The following SLC22A4 variants were observed in gnomAD, a reference collection of about 807,000 sequenced individuals.
SLC22A4 encodes ET transporter.
Under a neutral mutation model 56.6 loss-of-function variants are expected in SLC22A4, and 39 were observed. That is an observed-to-expected ratio of 0.69 (90% CI 0.53 to 0.90). The LOEUF (loss-of-function observed/expected upper bound fraction) is 0.90, where lower values mean the gene tolerates loss of function less well. Among genes scored for constraint, SLC22A4 ranks in the 40% least tolerant of loss-of-function variants. The pLI, the probability that SLC22A4 is intolerant of heterozygous loss-of-function variation, is 0.00. For missense variants in SLC22A4, 594 were observed against 696.5 expected, an observed-to-expected ratio of 0.85 and a Z score of 1.66; for synonymous variants, 241 against 281.4, an observed-to-expected ratio of 0.86 and a Z score of 1.44.
chr5:132,332,942 G>A (rs938519359), intron 6 of SLC22A4, among the ~76,000 whole-genome samples: 1 of 152,126 alleles, frequency 6.6e-6, no homozygotes, highest in African/African-American at 2.4e-5. Context: ...TATCCCTGAT[G>A]CAAATGTTCT....
chr5:132,344,122 A>C lies in SLC22A4; in HGVS notation c.*287A>C. On this transcript the variant is annotated 3_prime_UTR_variant, in exon 10 of 10. Coordinates refer to ENST00000200652, the MANE Select transcript of SLC22A4 (RefSeq NM_003059.3). ...TCAAGGACTGGTAAAATACATATAAAGATTAACACTCATTTCCAATCATAC... is the reference window on the plus strand; with the variant it reads ...TCAAGGACTGGTAAAATACATATAACGATTAACACTCATTTCCAATCATAC... 2.8e-6 allele frequency: 1 copy of C among 359,622 alleles called. No homozygotes were observed. The highest frequency in any genetic ancestry group is 5.0e-5 in the East Asian group (1 of 20,178). 22.3% of individuals were successfully genotyped at this position (359,622 alleles called of 1,614,324 possible). A position where few individuals can be genotyped will look rare whatever the true frequency, so the allele number is the denominator to read the frequency against.
chr5:132,312,000 A>C, intron 1 of SLC22A4, 161 bp from the exon 2 acceptor site: 2 of 722,208 alleles, frequency 2.8e-6, no homozygotes, highest in Non-Finnish European at 5.1e-6. Flanking sequence ...AGGCCAGTCA[A>C]ACCCAGGGCT....
chr5:132,322,259 A>G lies in SLC22A4; in HGVS notation c.728A>G (p.Tyr243Cys), dbSNP rs910430619. The G allele has an allele frequency of 1.9e-6, 3 of 1,614,032 alleles. No homozygotes were observed. Among genetic ancestry groups the G allele is most frequent in the Non-Finnish European group, 2.5e-6 (3 of 1,179,922 alleles). The change falls in exon 4 of 10, where the codon TAT becomes TGT. Residue 243 changes from tyrosine to cysteine, a missense_variant. Coordinates refer to ENST00000200652, the MANE Select transcript of SLC22A4 (RefSeq NM_003059.3). ...LGVCTFFAVGYMLLPLFAYFI... is the reference protein window; with the variant it reads ...LGVCTFFAVGCMLLPLFAYFI... The stretch of plus-strand genomic sequence containing the variant: ...GTGTGCACATTTTTTGCAGTTGGCT[A>G]TATGCTGCTGCCACTGTTTGCTTAC...
At chr5:132,298,252 C>T (rs1749823666) in intron 1 of SLC22A4, among the ~76,000 whole-genome samples, 1 of 152,180 alleles carries the variant, frequency 6.6e-6, no homozygotes, top group South Asian at 2.1e-4. Flanking sequence ...CTTCCACAGA[C>T]AAATGGATAA....
chr5:132,330,261 C>G (rs1236378249), intron 5 of SLC22A4, among the ~76,000 whole-genome samples: 1 of 152,186 alleles, frequency 6.6e-6, no homozygotes, highest in African/African-American at 2.4e-5. Context: ...ACTCCTCCAT[C>G]AGTCTCTTAC....
rs1491170521 is a variant in SLC22A4 at position 132,328,868 on chromosome 5, C to CAT, written c.951+1465_951+1466insAT. On this transcript the variant is annotated intron_variant, in intron 5 of 9. Transcript: ENST00000200652. ...ACACACACACACACACACACACACA[C>CAT]GCATATATAAATGTGTATATATATG... 5.4e-5 allele frequency among the ~76,000 whole-genome samples: 8 copies of CAT among 148,332 alleles called. No homozygotes were observed. In the East Asian group the frequency reaches 1.4e-3, roughly 26 times the overall value.
At chr5:132,323,252 T>C (rs1484077007) in intron 4 of SLC22A4, among the ~76,000 whole-genome samples, 1 of 152,246 alleles carries the variant, frequency 6.6e-6, no homozygotes, top group African/African-American at 2.4e-5. Context: ...CACAAGCTTC[T>C]TTGACCATTT....
intron 8 of SLC22A4, among the ~76,000 whole-genome samples, chr5:132,337,796 C>T (rs184758740): frequency 4.6e-4 from 69 of 149,970 alleles, no homozygotes; most frequent in Non-Finnish European, 7.5e-4. Flanking sequence ...AGTACAGTGG[C>T]GCAATCTCAG....
At chr5:132,336,909 T>C (rs1011489079) in intron 8 of SLC22A4, among the ~76,000 whole-genome samples, 12 of 152,214 alleles carry the variant, frequency 7.9e-5, no homozygotes, top group Non-Finnish European at 1.3e-4. Flanking sequence ...TGTACTTTTT[T>C]CCAGTACATT....
At chr5:132,331,644 TAGTCAAGGTGA>T in intron 5 of SLC22A4, 101 bp from the exon 6 acceptor site, 3 of 801,104 alleles carry the variant, frequency 3.7e-6, no homozygotes, top group Non-Finnish European at 6.8e-6. Context: ...CTTCTAAGCA[TAGTCAAGGTGA>T]AGTGAGAGTT....
chr5:132,312,090 C>T (rs1424638469), intron 1 of SLC22A4, 71 bp from the exon 2 acceptor site: 1 of 911,094 alleles, frequency 1.1e-6, no homozygotes, highest in African/African-American at 1.6e-5. Context: ...GCTAATATTC[C>T]CTCAGAGCTG....
intron 6 of SLC22A4, among the ~76,000 whole-genome samples, chr5:132,332,508 C>G (rs1395246643): frequency 6.6e-6 from 1 of 152,056 alleles, no homozygotes; most frequent in Non-Finnish European, 1.5e-5. Flanking sequence ...GCTAATTCAG[C>G]TCCTGCTTCC....
intron 8 of SLC22A4, among the ~76,000 whole-genome samples, chr5:132,337,327 C>T (rs1378767762): frequency 2.1e-5 from 3 of 140,058 alleles, no homozygotes; most frequent in Admixed American, 7.6e-5. Context: ...TGTAGTGGTG[C>T]GATCCTAGAT....
intron 1 of SLC22A4, among the ~76,000 whole-genome samples, chr5:132,308,004 A>G (rs1351016577): frequency 6.6e-6 from 1 of 152,204 alleles, no homozygotes; most frequent in Non-Finnish European, 1.5e-5. Context: ...CTCCTAATTA[A>G]TTGTTCAATA....
At chr5:132,305,855 A>C (rs1750015474) in intron 1 of SLC22A4, among the ~76,000 whole-genome samples, 3 of 152,240 alleles carry the variant, frequency 2.0e-5, no homozygotes. Context: ...AAACTATAAA[A>C]TGTCATTGAA....
chr5:132,317,348 C>T (rs1469206648), intron 3 of SLC22A4, among the ~76,000 whole-genome samples: 2 of 152,182 alleles, frequency 1.3e-5, no homozygotes, highest in Non-Finnish European at 2.9e-5. Context: ...CAGTCATTTC[C>T]CTCTTCCCCT....
At chr5:132,341,280 T>A (rs1217065060) in intron 9 of SLC22A4, among the ~76,000 whole-genome samples, 3 of 151,884 alleles carry the variant, frequency 2.0e-5, no homozygotes, top group Non-Finnish European at 4.4e-5. Flanking sequence ...TAGCTGGGCA[T>A]GGTGGCACAC....
intron 6 of SLC22A4, among the ~76,000 whole-genome samples, chr5:132,332,605 G>A (rs73787129): frequency 4.3e-4 from 66 of 152,178 alleles, no homozygotes; most frequent in African/African-American, 1.6e-3. Context: ...CTTTTTACAC[G>A]TGCCAATAGC....
chr5:132,333,360 G>A (rs150988792), intron 6 of SLC22A4, among the ~76,000 whole-genome samples: 14 of 152,306 alleles, frequency 9.2e-5, no homozygotes, highest in Admixed American at 2.0e-4. Context: ...GGGTACCACC[G>A]CTCCTCTTTT....
Sources: allele counts gnomAD v4.1 joint callset (sites outside exome capture counted in the v4.1 genomes callset), GRCh38; gene constraint gnomAD v4.1.1; transcripts MANE v1.5; gene names NCBI Gene and HGNC (gene_info 2026-07-23, HGNC 2026-07-21).